The following PTPRM variants were observed in gnomAD, a reference collection of about 807,000 sequenced individuals.
PTPRM encodes receptor-type tyrosine-protein phosphatase mu.
A neutral mutation model predicts 186.7 loss-of-function variants in PTPRM; 47 were observed. That is an observed-to-expected ratio of 0.25 (90% CI 0.20 to 0.32). The LOEUF is 0.32. Ranked by LOEUF, PTPRM falls within the 10% of genes least tolerant of loss-of-function variation. The probability of loss-of-function intolerance (pLI) is 1.00; values close to 1 mark genes in which losing one functional copy is unlikely to be tolerated. For missense variants in PTPRM, 1,494 were observed against 1,865.0 expected, an observed-to-expected ratio of 0.80 and a Z score of 3.66; for synonymous variants, 668 against 674.9, an observed-to-expected ratio of 0.99 and a Z score of 0.16.
At chr18:8,338,718 C>A (rs546349374) in intron 22 of PTPRM, among the ~76,000 whole-genome samples, 20 of 152,164 alleles carry the variant, frequency 1.3e-4, no homozygotes, top group Middle Eastern at 3.4e-3. Flanking sequence ...TCAAACAGGA[C>A]CTGGGAAACA....
chr18:8,395,055 G>C (rs1449872043), intron 32 of PTPRM, among the ~76,000 whole-genome samples: 1 of 152,122 alleles, frequency 6.6e-6, no homozygotes, highest in East Asian at 1.9e-4. Context: ...AATTATGGTG[G>C]CCATATCTGA....
intron 13 of PTPRM, among the ~76,000 whole-genome samples, chr18:8,118,606 C>G (rs1246131471): frequency 6.6e-6 from 1 of 152,028 alleles, no homozygotes; most frequent in Non-Finnish European, 1.5e-5. Flanking sequence ...TCAAGACCAG[C>G]CTGGCCAACA....
chr18:8,289,514 G>GTATATATATACATATATATACACA (rs750132384), intron 19 of PTPRM, among the ~76,000 whole-genome samples: 12 of 89,806 alleles, frequency 1.3e-4, no homozygotes, highest in East Asian at 5.3e-4. Context: ...GTGTGTGTAT[G>GTATATATATACATATATATACACA]TATATATATA....
chr18:8,321,551 C>A (rs1030798689), intron 22 of PTPRM, among the ~76,000 whole-genome samples: 3 of 152,196 alleles, frequency 2.0e-5, no homozygotes, highest in African/African-American at 7.2e-5. Flanking sequence ...TGTTAATGAG[C>A]AAATGTATTT....
At chr18:7,726,686 A>G (rs2040556276) in intron 1 of PTPRM, among the ~76,000 whole-genome samples, 2 of 152,222 alleles carry the variant, frequency 1.3e-5, no homozygotes, top group Admixed American at 6.5e-5. Flanking sequence ...AAGTCTGTTG[A>G]TGTACCATTG....
chr18:8,147,423 G>T (rs900175822), intron 14 of PTPRM, among the ~76,000 whole-genome samples: 1 of 152,190 alleles, frequency 6.6e-6, no homozygotes, highest in African/African-American at 2.4e-5. Context: ...GCGAATGGGA[G>T]TTCACTCATG....
At position 8,221,769 on chromosome 18, in the gene PTPRM, T is replaced by C. The variant is rs1044538941; in HGVS notation, c.2301-22289T>C. Among the ~76,000 whole-genome samples, 19 of 152,216 alleles carry C rather than the reference T, an allele frequency of 1.2e-4. 1 individual carries two copies. Among genetic ancestry groups the C allele is most frequent in the African/African-American group, 2.9e-4 (12 of 41,452 alleles). ...TCAAGTTTAGCCTAAACCTTCCTCC[T>C]TACATATTTTAATTTTGGCCTACAG... On this transcript the variant is annotated intron_variant, in intron 14 of 32. Coordinates refer to ENST00000580170, the MANE Select transcript of PTPRM (RefSeq NM_001105244.2).
chr18:7,772,244 T>TTTTCTTTTC (rs1555673211), intron 1 of PTPRM, among the ~76,000 whole-genome samples: 45 of 140,158 alleles, frequency 3.2e-4, no homozygotes, highest in Admixed American at 5.8e-4. Flanking sequence ...GCTAAGATCT[T>TTTTCTTTTC]TTTTCTTTTC....
chr18:8,252,262 T>C (rs886189079), intron 17 of PTPRM, among the ~76,000 whole-genome samples: 27 of 152,258 alleles, frequency 1.8e-4, no homozygotes, highest in African/African-American at 5.8e-4. Context: ...ATTATGATGC[T>C]AATTTTAACC....
chr18:7,727,480 G>T (rs2040573790), intron 1 of PTPRM, among the ~76,000 whole-genome samples: 1 of 152,032 alleles, frequency 6.6e-6, no homozygotes, highest in Non-Finnish European at 1.5e-5. Context: ...GCTTAGTTGT[G>T]CATTCCCACT....
At chr18:7,766,931 G>T (rs1336276014) in intron 1 of PTPRM, among the ~76,000 whole-genome samples, 1 of 152,120 alleles carries the variant, frequency 6.6e-6, no homozygotes, top group East Asian at 1.9e-4. Flanking sequence ...ATATTTGCAT[G>T]GCTTTTGTTC....
intron 14 of PTPRM, among the ~76,000 whole-genome samples, chr18:8,204,499 G>T (rs757257570): frequency 1.4e-5 from 2 of 148,008 alleles, no homozygotes; most frequent in Non-Finnish European, 3.0e-5. Flanking sequence ...AAAGAGGAAA[G>T]AAAAAAAAAA....
intron 20 of PTPRM, among the ~76,000 whole-genome samples, chr18:8,311,029 C>T (rs1383298338): frequency 6.6e-6 from 1 of 152,196 alleles, no homozygotes; most frequent in Non-Finnish European, 1.5e-5. Flanking sequence ...GAAATTTAGG[C>T]TGGGCGTGGT....
chr18:7,926,514 A>G, intron 4 of PTPRM, 54 bp from the exon 5 acceptor site: 1 of 1,386,960 alleles, frequency 7.2e-7, no homozygotes, highest in Non-Finnish European at 9.9e-7. Flanking sequence ...AAGAAGACAT[A>G]TATTAGTTAC....
chr18:8,085,062 A>G (rs542132012), intron 9 of PTPRM, among the ~76,000 whole-genome samples: 4 of 152,258 alleles, frequency 2.6e-5, no homozygotes, highest in Non-Finnish European at 5.9e-5. Context: ...AGATGTGGCT[A>G]GTGGCTACAT....
At chr18:8,274,454 A>G (rs891556985) in intron 19 of PTPRM, among the ~76,000 whole-genome samples, 5 of 152,158 alleles carry the variant, frequency 3.3e-5, no homozygotes, top group Non-Finnish European at 5.9e-5. Context: ...TGCTTTTCCA[A>G]TGCTTTTCCC....
intron 2 of PTPRM, among the ~76,000 whole-genome samples, chr18:7,795,670 G>C (rs1013501297): frequency 3.3e-5 from 5 of 151,806 alleles, no homozygotes; most frequent in Non-Finnish European, 7.4e-5. Flanking sequence ...TCTCTATTTT[G>C]GCAAAATCTA....
At chr18:7,966,404 G>A (rs1406032384) in intron 7 of PTPRM, among the ~76,000 whole-genome samples, 1 of 152,184 alleles carries the variant, frequency 6.6e-6, no homozygotes, top group Non-Finnish European at 1.5e-5. Context: ...ACAAGTGACT[G>A]TAAACACATA....
chr18:8,363,496 G>A (rs562972830), intron 23 of PTPRM, among the ~76,000 whole-genome samples: 1 of 152,226 alleles, frequency 6.6e-6, no homozygotes, highest in African/African-American at 2.4e-5. Flanking sequence ...GATGTACCTG[G>A]CGGCATATAT....
Sources: allele counts gnomAD v4.1 joint callset (sites outside exome capture counted in the v4.1 genomes callset), GRCh38; gene constraint gnomAD v4.1.1; transcripts MANE v1.5; gene names NCBI Gene and HGNC (gene_info 2026-07-23, HGNC 2026-07-21).